CD99L2: variants seen among roughly 807,000 people sequenced by gnomAD.
CD99L2 encodes the protein CD99 molecule like 2.
Under a neutral mutation model 27.3 loss-of-function variants are expected in CD99L2, and 24 were observed. The observed-to-expected ratio is 0.88, with a 90% CI of 0.64 to 1.24. The LOEUF is 1.24. Ranked by LOEUF, CD99L2 falls within the 50% of genes most tolerant of loss-of-function variation. The pLI, the probability that CD99L2 is intolerant of heterozygous loss-of-function variation, is 0.00. For synonymous variants in CD99L2, 97 were observed against 87.9 expected, an observed-to-expected ratio of 1.10 and a Z score of -0.58; for missense variants, 255 against 221.6, an observed-to-expected ratio of 1.15 and a Z score of -0.96.
intron 1 of CD99L2, among the ~76,000 whole-genome samples, chrX:150,859,139 C>T (rs2124312912): frequency 8.9e-6 from 1 of 111,880 alleles, no homozygotes; most frequent in South Asian, 3.7e-4. Flanking sequence ...TACAACCTAC[C>T]AAGATTGAAT....
intron 6 of CD99L2, 135 bp from the exon 7 acceptor site, chrX:150,793,891 GT>G (rs1379270738): frequency 3.0e-5 from 14 of 471,146 alleles, no homozygotes; most frequent in Non-Finnish European, 4.8e-5. Context: ...ATTCTAAGAG[GT>G]CCCCCCAGAC....
chrX:150,801,856 A>G (rs1034263153), intron 4 of CD99L2, among the ~76,000 whole-genome samples: 2 of 111,370 alleles, frequency 1.8e-5, no homozygotes, highest in African/African-American at 6.6e-5. Flanking sequence ...ACACTCATTT[A>G]TGGAAAAAAA....
At chrX:150,849,821 G>T (rs1603305683) in intron 1 of CD99L2, among the ~76,000 whole-genome samples, 1 of 111,768 alleles carries the variant, frequency 8.9e-6, no homozygotes, top group African/African-American at 3.3e-5. Flanking sequence ...AATCTTCCAA[G>T]TGAGTAAGAA....
intron 2 of CD99L2, among the ~76,000 whole-genome samples, chrX:150,830,294 T>C (rs1172224999): frequency 1.8e-5 from 2 of 111,726 alleles, no homozygotes; most frequent in African/African-American, 6.5e-5. Flanking sequence ...CTAATGCTCA[T>C]AATCTCAGTA....
At chrX:150,887,822 C>A (rs1180556423) in intron 1 of CD99L2, among the ~76,000 whole-genome samples, 1 of 111,972 alleles carries the variant, frequency 8.9e-6, no homozygotes, top group Non-Finnish European at 1.9e-5. Flanking sequence ...GAGGCACACA[C>A]GGAGCTAGGC....
intron 1 of CD99L2, among the ~76,000 whole-genome samples, chrX:150,853,729 A>G (rs2046827848): frequency 8.9e-6 from 1 of 111,938 alleles, no homozygotes; most frequent in South Asian, 3.8e-4. Flanking sequence ...GAACTTCAGA[A>G]GTGATAAGCC....
At chrX:150,883,508 G>A (rs1430796419) in intron 1 of CD99L2, among the ~76,000 whole-genome samples, 2 of 111,283 alleles carry the variant, frequency 1.8e-5, no homozygotes, top group Non-Finnish European at 3.8e-5. Flanking sequence ...CACCCCCAGA[G>A]GATTGCAAGA....
intron 1 of CD99L2, among the ~76,000 whole-genome samples, chrX:150,840,414 CTT>C (rs782428798): frequency 2.0e-5 from 2 of 101,343 alleles, no homozygotes. Flanking sequence ...CATATATAAA[CTT>C]TTTTTTTTTT....
chrX:150,824,174 GAGA>G (rs1392935509), intron 2 of CD99L2, among the ~76,000 whole-genome samples: 148 of 13,325 alleles, frequency 0.011, 22 homozygotes, highest in East Asian at 0.071. Flanking sequence ...GGAGGAGGAG[GAGA>G]AGGAGGAGGA....
At chrX:150,816,369 G>A in intron 2 of CD99L2, 2 of 325,109 alleles carry the variant, frequency 6.2e-6, no homozygotes, top group South Asian at 8.8e-5. Flanking sequence ...AGATCTGCTG[G>A]AGATGGCACG....
At chrX:150,821,517 C>T (rs1267157353) in intron 2 of CD99L2, among the ~76,000 whole-genome samples, 1 of 111,734 alleles carries the variant, frequency 8.9e-6, no homozygotes, top group Non-Finnish European at 1.9e-5. Flanking sequence ...CTCAAATGGA[C>T]CAAACATCTA....
chrX:150,864,211 A>G (rs1300272390), intron 1 of CD99L2, among the ~76,000 whole-genome samples: 6 of 111,911 alleles, frequency 5.4e-5, no homozygotes, highest in African/African-American at 1.9e-4. Flanking sequence ...TTAAAGGAGG[A>G]AGAACACAGC....
intron 2 of CD99L2, chrX:150,829,547 G>A (rs781924475): frequency 3.0e-6 from 1 of 329,432 alleles, no homozygotes; most frequent in South Asian, 2.6e-5. Context: ...CCAGAACAGT[G>A]ACAGAATAAA....
intron 10 of CD99L2, among the ~76,000 whole-genome samples, 163 bp from the exon 11 acceptor site, chrX:150,769,264 C>T (rs1451020067): frequency 1.4e-4 from 16 of 112,113 alleles, no homozygotes; most frequent in Admixed American, 1.0e-3. Flanking sequence ...AGTTTTGGGC[C>T]GGTCAAGGGG....
chrX:150,815,017 C>CA, intron 3 of CD99L2, 81 bp from the exon 4 acceptor site: 1 of 1,025,275 alleles, frequency 9.8e-7, no homozygotes. Flanking sequence ...GCAAAATGCC[C>CA]ATGGGTTCAA....
At chrX:150,867,287 G>A (rs1557422067) in intron 1 of CD99L2, among the ~76,000 whole-genome samples, 4 of 111,055 alleles carry the variant, frequency 3.6e-5, no homozygotes, top group Non-Finnish European at 7.5e-5. Flanking sequence ...GGACACGCCT[G>A]TAGTTTCAGC....
intron 7 of CD99L2, among the ~76,000 whole-genome samples, chrX:150,792,854 C>A (rs782248878): frequency 5.4e-4 from 61 of 112,251 alleles, no homozygotes; most frequent in Non-Finnish European, 9.4e-4. Flanking sequence ...AATATTCCCT[C>A]CAGACTTGAT....
chrX:150,819,122 GC>G, intron 2 of CD99L2: 1 of 338,280 alleles, frequency 3.0e-6, no homozygotes. Context: ...TGGTTGAATG[GC>G]AGGTATGTGG....
At chrX:150,803,174 G>A (rs1446317093) in intron 4 of CD99L2, among the ~76,000 whole-genome samples, 6 of 111,487 alleles carry the variant, frequency 5.4e-5, no homozygotes, top group Admixed American at 1.9e-4. Context: ...GATTACGGGC[G>A]TGAGCCACCA....
Sources: allele counts gnomAD v4.1 joint callset (sites outside exome capture counted in the v4.1 genomes callset), GRCh38; gene constraint gnomAD v4.1.1; transcripts MANE v1.5; gene names NCBI Gene and HGNC (gene_info 2026-07-23, HGNC 2026-07-21).